The following ELAC2 variants were observed in gnomAD, a reference collection of about 807,000 sequenced individuals.
The protein encoded by ELAC2 is zinc phosphodiesterase ELAC protein 2.
A neutral mutation model predicts 105.2 loss-of-function variants in ELAC2; 92 were observed. The ratio of observed to expected loss-of-function variants is 0.87; its 90% confidence interval spans 0.74 to 1.04. The LOEUF (loss-of-function observed/expected upper bound fraction) is 1.04, where lower values mean the gene tolerates loss of function less well. ELAC2 is among the 50% of genes least tolerant of loss of function. ELAC2 has a pLI of 0.00. For missense variants in ELAC2, 1,099 were observed against 1,071.7 expected, an observed-to-expected ratio of 1.03 and a Z score of -0.36; for synonymous variants, 468 against 409.1, an observed-to-expected ratio of 1.14 and a Z score of -1.74.
chr17:12,993,874 C>A, intron 22 of ELAC2, 43 bp from the exon 23 acceptor site: 1 of 1,613,586 alleles, frequency 6.2e-7, no homozygotes, highest in Non-Finnish European at 8.5e-7. Flanking sequence ...AACTCAACTG[C>A]AAGACTGCAA....
At chr17:13,011,247 TG>T (rs1056929621) in intron 7 of ELAC2, among the ~76,000 whole-genome samples, 62 of 152,352 alleles carry the variant, frequency 4.1e-4, no homozygotes, top group Admixed American at 3.7e-3. Context: ...CGTTTCCCAG[TG>T]GGCTGTCATT....
intron 8 of ELAC2, chr17:13,006,576 T>G (rs2041120393): frequency 1.3e-5 from 2 of 159,560 alleles, no homozygotes; most frequent in Non-Finnish European, 2.8e-5. Context: ...ATATGAAAGT[T>G]AATAAATATC....
chr17:13,007,097 TGA>T (rs1327905921), intron 8 of ELAC2, among the ~76,000 whole-genome samples: 2 of 146,510 alleles, frequency 1.4e-5, no homozygotes, highest in East Asian at 4.0e-4. Flanking sequence ...GGCGACAGAG[TGA>T]GACTCTGTCT....
chr17:12,996,042 C>G, intron 17 of ELAC2, 64 bp from the exon 18 acceptor site: 2 of 1,530,044 alleles, frequency 1.3e-6, no homozygotes, highest in South Asian at 2.4e-5. Flanking sequence ...GGGTTAGGGT[C>G]TGCAGCCCTC....
chr17:13,017,860 CG>C lies in ELAC2; in HGVS notation c.87del (p.Glu30SerfsTer71). Reference sequence around the variant, plus strand: ...CGCAGCGGGTCCTTGCGCGGCCGCTCGCGGCGGGCGGGTGCCTGCGATATGG... The same window carrying C: ...CGCAGCGGGTCCTTGCGCGGCCGCTCCGGCGGGCGGGTGCCTGCGATATGG... ...GRTISQAPAR[R>X]ERPRKDPLRH... On this transcript the variant is annotated frameshift_variant, in exon 1 of 24. Coordinates refer to ENST00000338034, the MANE Select transcript of ELAC2 (RefSeq NM_018127.7). LOFTEE classifies it high-confidence loss of function. 1 of 1,559,894 alleles carries C rather than the reference CG, an allele frequency of 6.4e-7. No homozygotes were observed. The highest frequency in any genetic ancestry group is 8.7e-7 in the Non-Finnish European group (1 of 1,154,756).
Position 13,015,689 on chromosome 17 carries a change from T to G in ELAC2, c.432+79A>C, listed in dbSNP as rs568874348. Reference sequence around the variant, plus strand: ...GTATCTCTGGAGGGCAGAAGACTGATTTGCAAAAAGGAAAATTCTTGTTAC... The same window carrying G: ...GTATCTCTGGAGGGCAGAAGACTGAGTTGCAAAAAGGAAAATTCTTGTTAC... On this transcript the variant is annotated intron_variant, in intron 4 of 23. Coordinates refer to ENST00000338034, the MANE Select transcript of ELAC2 (RefSeq NM_018127.7). 1.0e-5 allele frequency: 13 copies of G among 1,290,490 alleles called. No homozygotes were observed. The African/African-American group carries it at 1.9e-4, about 19-fold the overall frequency. 79.9% of individuals were successfully genotyped at this position (1,290,490 alleles called of 1,614,324 possible). A position where few individuals can be genotyped will look rare whatever the true frequency, so the allele number is the denominator to read the frequency against.
At chr17:13,005,374 T>G (rs1301962653) in intron 10 of ELAC2, among the ~76,000 whole-genome samples, 3 of 152,202 alleles carry the variant, frequency 2.0e-5, no homozygotes, top group African/African-American at 7.2e-5. Flanking sequence ...CCACTGGTCC[T>G]AATGTCCTCA....
In ELAC2 at chr17:13,002,145, C is replaced by T. The variant is rs551661912; in HGVS notation, c.1304+129G>A. The T allele has an allele frequency of 4.6e-4, 443 of 967,084 alleles. 5 individuals are homozygous for T. The highest frequency in any genetic ancestry group is 3.6e-3 in the South Asian group (259 of 71,782). The allele number at this position is 967,084 out of a possible 1,614,324, so 59.9% of individuals were successfully genotyped here. A position where few individuals can be genotyped will look rare whatever the true frequency, so the allele number is the denominator to read the frequency against. On this transcript the variant is annotated intron_variant, in intron 14 of 23. Coordinates refer to ENST00000338034, the MANE Select transcript of ELAC2 (RefSeq NM_018127.7). ...GTCCGTGTTTCTTTTGTGCTCAAAG[C>T]GGAGTTGAATAGTTACAACAGAGAC...
chr17:12,996,589 C>T lies in ELAC2; in HGVS notation c.1617G>A (p.Leu539=). Residue 539 remains leucine, a synonymous_variant, in exon 17 of 24, where the codon CTG becomes CTA. Coordinates refer to ENST00000338034, the MANE Select transcript of ELAC2 (RefSeq NM_018127.7). The part of the protein sequence containing the change: ...GDQVDRVLGT[L]AAVFVSHLHA... ...GCAGGTGGGACACAAACACAGCAGC[C>T]AGGGTGCCCAGGACCCTGTCCACCT... is the stretch of plus-strand genomic sequence containing the variant. The T allele has an allele frequency of 6.2e-7, 1 of 1,614,070 alleles. No homozygotes were observed. Among genetic ancestry groups the T allele is most frequent in the Non-Finnish European group, 8.5e-7 (1 of 1,180,042 alleles).
At chr17:13,008,208 AAAAC>A (rs1287112951) in intron 8 of ELAC2, among the ~76,000 whole-genome samples, 3 of 151,946 alleles carry the variant, frequency 2.0e-5, no homozygotes, top group Non-Finnish European at 2.9e-5. Context: ...TCAGAAAAAC[AAAAC>A]AAACAAAGAA....
intron 8 of ELAC2, among the ~76,000 whole-genome samples, chr17:13,008,156 CAA>C (rs2041213069): frequency 6.6e-6 from 1 of 151,846 alleles, no homozygotes. Context: ...GTCGAGATGG[CAA>C]CACTGCACTC....
At chr17:12,998,581 T>C in intron 15 of ELAC2, 73 bp from the exon 16 acceptor site, 1 of 1,355,898 alleles carries the variant, frequency 7.4e-7, no homozygotes, top group Non-Finnish European at 1.1e-6. Context: ...CATGAGAAGG[T>C]GCAATGGTTT....
chr17:13,010,013 C>T (rs1035402260), intron 8 of ELAC2, among the ~76,000 whole-genome samples: 2 of 122,394 alleles, frequency 1.6e-5, no homozygotes, highest in African/African-American at 3.0e-5. Context: ...AAAAAATGTA[C>T]GGAGGCTGAC....
At position 13,013,190 on chromosome 17, in the gene ELAC2, C is replaced by G. The variant is rs765765916; in HGVS notation, c.559+17G>C. 1.5e-5 allele frequency: 24 copies of G among 1,614,014 alleles called. No homozygotes were observed. Among genetic ancestry groups the G allele is most frequent in the Non-Finnish European group, 1.9e-5 (23 of 1,180,000 alleles). Reference sequence around the variant, plus strand: ...GACGTACACCCTCCTCCTGGGAAACCTGGCTTTCATACTCACTGTGTATGG... The same window carrying G: ...GACGTACACCCTCCTCCTGGGAAACGTGGCTTTCATACTCACTGTGTATGG... On this transcript the variant is annotated intron_variant, in intron 6 of 23. Coordinates refer to ENST00000338034, the MANE Select transcript of ELAC2 (RefSeq NM_018127.7).
At chr17:13,008,330 T>C (rs957407027) in intron 8 of ELAC2, among the ~76,000 whole-genome samples, 1 of 151,500 alleles carries the variant, frequency 6.6e-6, no homozygotes, top group Non-Finnish European at 1.5e-5. Flanking sequence ...GCCAACATGG[T>C]GAAACCCCGT....
In ELAC2 at chr17:13,005,784, T is replaced by C. The variant is rs2041069155; in HGVS notation, c.839A>G (p.Asp280Gly). The C allele has an allele frequency of 6.2e-7, 1 of 1,614,018 alleles. No individual in the cohort carries two copies. The highest frequency in any genetic ancestry group is 8.5e-7 in the Non-Finnish European group (1 of 1,180,028). The change falls in exon 10 of 24, where the codon GAC (aspartate) becomes GGC (glycine). Residue 280 changes from aspartate (D) to glycine (G), a missense_variant. Transcript: ENST00000338034. ...TCCTTCATGAGTGATGCTTTTCCCG[T>C]CCTTGACAGCAGCAATGATGGGAGC... ...AIAPIIAAVK[D>G]GKSITHEGRE...
chr17:13,002,209 G>C, intron 14 of ELAC2, 65 bp downstream of exon 14: 1 of 786,544 alleles, frequency 1.3e-6, no homozygotes. Context: ...TTTACTATGT[G>C]GCTATTTACA....
chr17:13,012,560 G>A (rs747501668), intron 6 of ELAC2, among the ~76,000 whole-genome samples: 14 of 152,138 alleles, frequency 9.2e-5, no homozygotes, highest in South Asian at 2.1e-4. Flanking sequence ...TCATCTCCTC[G>A]CCAGGTTCTG....
intron 21 of ELAC2, 115 bp downstream of exon 21, chr17:12,994,648 TG>T (rs2040376274): frequency 2.5e-6 from 4 of 1,599,516 alleles, no homozygotes; most frequent in African/African-American, 1.3e-5. Context: ...ACTCTGAGGG[TG>T]GGGACCTGAG....
Sources: gnomAD v4.1 joint callset for allele counts (sites outside exome capture counted in the v4.1 genomes callset) on GRCh38, gnomAD v4.1.1 for gene constraint, MANE v1.5 for transcripts, NCBI Gene and HGNC (gene_info 2026-07-23, HGNC 2026-07-21) for gene names.